Variants in CCDC178 observed in about 807,000 individuals in gnomAD.
CCDC178 encodes the protein coiled-coil domain-containing protein 178.
CCDC178 carries 126 observed loss-of-function variants against 117.4 expected under a neutral mutation model. That is an observed-to-expected ratio of 1.07 (90% CI 0.93 to 1.24). The LOEUF (loss-of-function observed/expected upper bound fraction) is 1.24, where lower values mean the gene tolerates loss of function less well. Ranked by LOEUF, CCDC178 falls within the 50% of genes most tolerant of loss-of-function variation. The pLI, the probability that CCDC178 is intolerant of heterozygous loss-of-function variation, is 0.00. For synonymous variants in CCDC178, 283 were observed against 313.4 expected (o/e 0.90, Z 1.02); for missense variants, 1,030 against 986.9 (o/e 1.04, Z -0.59).
chr18:33,159,967 G>A (rs1343473457), intron 20 of CCDC178, among the ~76,000 whole-genome samples: 2 of 152,074 alleles, frequency 1.3e-5, no homozygotes, highest in African/African-American at 2.4e-5. Context: ...AATCATCAGA[G>A]TAAGAAAGTG....
intron 6 of CCDC178, among the ~76,000 whole-genome samples, chr18:33,368,735 A>G (rs1212934995): frequency 6.6e-6 from 1 of 151,958 alleles, no homozygotes; most frequent in Admixed American, 6.6e-5. Context: ...CTATCTATCA[A>G]TTAGGTATAA....
intron 11 of CCDC178, among the ~76,000 whole-genome samples, chr18:33,312,826 T>A (rs541904297): frequency 1.3e-5 from 2 of 152,330 alleles, no homozygotes; most frequent in South Asian, 4.1e-4. Flanking sequence ...ATGTTGAAGA[T>A]GTTTAACAGC....
intron 4 of CCDC178, among the ~76,000 whole-genome samples, chr18:33,395,282 AT>A (rs1378545326): frequency 1.3e-5 from 2 of 151,878 alleles, no homozygotes; most frequent in Non-Finnish European, 2.9e-5. Flanking sequence ...TAAAAATATA[AT>A]TTTCATGCCA....
chr18:33,212,801 C>T (rs2059123431), intron 19 of CCDC178, among the ~76,000 whole-genome samples: 1 of 151,842 alleles, frequency 6.6e-6, no homozygotes. Flanking sequence ...ATGGTGAACT[C>T]AGTAGTTATG....
chr18:33,347,977 C>T (rs2144685113), intron 8 of CCDC178, among the ~76,000 whole-genome samples: 1 of 152,030 alleles, frequency 6.6e-6, no homozygotes, highest in East Asian at 1.9e-4. Flanking sequence ...CCTGCTATTG[C>T]TGTATGTTTT....
chr18:32,954,418 A>G (rs2054551769), intron 22 of CCDC178: 1 of 152,136 alleles, frequency 6.6e-6, no homozygotes, highest in Admixed American at 6.6e-5. Flanking sequence ...CTATATGTAT[A>G]TATTTGGCAT....
chr18:33,391,096 T>C (rs569698370), intron 4 of CCDC178, among the ~76,000 whole-genome samples: 6 of 151,174 alleles, frequency 4.0e-5, no homozygotes, highest in Admixed American at 1.3e-4. Flanking sequence ...TATAAATGAC[T>C]AAATTTACCC....
At chr18:33,306,200 C>CT (rs5823890) in intron 11 of CCDC178, among the ~76,000 whole-genome samples, 138,323 of 151,990 alleles carry the variant, frequency 0.91, 63,077 homozygotes, top group East Asian at 1. Flanking sequence ...GTAAAAGAGC[C>CT]TTTTCAAAAA....
intron 22 of CCDC178, among the ~76,000 whole-genome samples, chr18:32,967,322 A>T (rs2054834925): frequency 6.6e-6 from 1 of 151,150 alleles, no homozygotes; most frequent in Non-Finnish European, 1.5e-5. Flanking sequence ...TTTTCTTTGA[A>T]TTTTAACCAG....
intron 21 of CCDC178, among the ~76,000 whole-genome samples, chr18:33,042,131 A>C (rs143048778): frequency 6.6e-6 from 1 of 151,922 alleles, no homozygotes; most frequent in African/African-American, 2.4e-5. Flanking sequence ...AGACATTCAC[A>C]TGACACCAAC....
intron 20 of CCDC178, among the ~76,000 whole-genome samples, chr18:33,144,674 G>T (rs2058248740): frequency 6.6e-6 from 1 of 152,008 alleles, no homozygotes; most frequent in Admixed American, 6.6e-5. Flanking sequence ...TGTTGAAAAG[G>T]CTGGAGGAAA....
chr18:33,405,943 ATATAAG>A (rs1303751364), intron 3 of CCDC178, among the ~76,000 whole-genome samples: 2 of 152,072 alleles, frequency 1.3e-5, no homozygotes, highest in Non-Finnish European at 2.9e-5. Context: ...TAAGAATACT[ATATAAG>A]TATAAGCCAG....
At chr18:33,319,905 G>GT (rs1353683060) in intron 11 of CCDC178, among the ~76,000 whole-genome samples, 1 of 151,924 alleles carries the variant, frequency 6.6e-6, no homozygotes, top group Non-Finnish European at 1.5e-5. Context: ...TTATAAATTT[G>GT]TTTGAGTTCT....
chr18:33,289,298 G>C (rs1411280162), intron 12 of CCDC178, among the ~76,000 whole-genome samples: 1 of 152,112 alleles, frequency 6.6e-6, no homozygotes, highest in African/African-American at 2.4e-5. Flanking sequence ...AATCTTATTT[G>C]CAAGAGGTAG....
chr18:33,025,756 T>G (rs1342847604), intron 21 of CCDC178, among the ~76,000 whole-genome samples: 1 of 152,084 alleles, frequency 6.6e-6, no homozygotes, highest in East Asian at 1.9e-4. Context: ...GTAAAGAAAT[T>G]TGACTTACAC....
At chr18:33,363,167 T>G (rs926170965) in intron 6 of CCDC178, among the ~76,000 whole-genome samples, 1 of 151,970 alleles carries the variant, frequency 6.6e-6, no homozygotes, top group African/African-American at 2.4e-5. Flanking sequence ...ATTATCTAAT[T>G]CAAGGAAAGT....
chr18:33,147,356 ATTTTT>A (rs575608507), intron 20 of CCDC178, among the ~76,000 whole-genome samples: 2 of 94,642 alleles, frequency 2.1e-5, no homozygotes, highest in African/African-American at 4.7e-5. Flanking sequence ...TGCCTTTTTA[ATTTTT>A]TTTTTTTTTT....
rs1263377612 is a variant in CCDC178, at chr18:33,017,039, T to A, written c.2389-42358A>T. Reference sequence around the variant, plus strand: ...AGTAAATATATATTTTCCTCTATGGTCAAGAAAAAGACAATAAATATGTGA... The same window carrying A: ...AGTAAATATATATTTTCCTCTATGGACAAGAAAAAGACAATAAATATGTGA... On this transcript the variant is annotated intron_variant, in intron 21 of 22. Coordinates refer to ENST00000383096, the MANE Select transcript of CCDC178 (RefSeq NM_001105528.4). 1.3e-5 allele frequency among the ~76,000 whole-genome samples: 2 copies of A among 151,820 alleles called. 1 individual carries two copies. The highest frequency in any genetic ancestry group is 3.0e-5 in the Non-Finnish European group (2 of 67,790).
intron 15 of CCDC178, among the ~76,000 whole-genome samples, chr18:33,243,202 T>A (rs1251349753): frequency 6.6e-6 from 1 of 151,730 alleles, no homozygotes; most frequent in Non-Finnish European, 1.5e-5. Context: ...GAACCAAAAT[T>A]GATCTCACAA....
Sources: gnomAD v4.1 joint callset for allele counts (sites outside exome capture counted in the v4.1 genomes callset) on GRCh38, gnomAD v4.1.1 for gene constraint, MANE v1.5 for transcripts, NCBI Gene and HGNC (gene_info 2026-07-23, HGNC 2026-07-21) for gene names.